The following COPA variants were observed in gnomAD, a reference collection of about 807,000 sequenced individuals.
The protein encoded by COPA is coat protein complex I subunit alpha.
A neutral mutation model predicts 158.7 loss-of-function variants in COPA; 10 were observed. That is an observed-to-expected ratio of 0.06 (90% CI 0.04 to 0.11). COPA has a LOEUF of 0.11. Among genes scored for constraint, COPA ranks in the 10% least tolerant of loss-of-function variants. The probability of loss-of-function intolerance (pLI) is 1.00; values close to 1 mark genes in which losing one functional copy is unlikely to be tolerated. For synonymous variants in COPA, 462 were observed against 542.8 expected (o/e 0.85, Z 2.07); for missense variants, 1,065 against 1,536.7 (o/e 0.69, Z 5.13).
chr1:160,290,470 A>G (rs765043720), intron 32 of COPA, 22 bp downstream of exon 32: 49 of 1,607,834 alleles, frequency 3.0e-5, no homozygotes, highest in Non-Finnish European at 3.6e-5. Context: ...TCCTAGATAT[A>G]TTTATTGAGG....
At chr1:160,330,274 A>G (rs1647443847) in intron 6 of COPA, among the ~76,000 whole-genome samples, 1 of 152,210 alleles carries the variant, frequency 6.6e-6, no homozygotes, top group Non-Finnish European at 1.5e-5. Context: ...CTGGGAGAGT[A>G]GATGCTAAGC....
chr1:160,336,499 T>C (rs1049719864), intron 3 of COPA, among the ~76,000 whole-genome samples: 4 of 152,104 alleles, frequency 2.6e-5, no homozygotes, highest in Admixed American at 1.3e-4. Context: ...ACATGGAAAA[T>C]ACTACATTGC....
intron 8 of COPA, among the ~76,000 whole-genome samples, chr1:160,320,761 A>C (rs1413213566): frequency 1.3e-5 from 2 of 148,916 alleles, no homozygotes; most frequent in East Asian, 3.9e-4. Context: ...CCAAACATTT[A>C]AAGAATTAAT....
chr1:160,300,172 T>G (rs1295157101), intron 17 of COPA, among the ~76,000 whole-genome samples: 1 of 151,794 alleles, frequency 6.6e-6, no homozygotes, highest in African/African-American at 2.4e-5. Flanking sequence ...AAACCCCGTC[T>G]CTACTAAAAA....
intron 3 of COPA, among the ~76,000 whole-genome samples, chr1:160,337,218 C>T (rs916059906): frequency 6.6e-6 from 1 of 152,160 alleles, no homozygotes; most frequent in Non-Finnish European, 1.5e-5. Context: ...AACTGTAAAT[C>T]CTTAAAAACT....
Position 160,313,985 on chromosome 1 carries a change from C to T in COPA, c.842+5G>A. ...AAGTTCACACAACACTGAGGACTAC[C>T]TTACCGCTTAGACATATCCCAGACT... On this transcript the variant is annotated splice_donor_5th_base_variant and intron_variant, in intron 9 of 32. Coordinates refer to ENST00000241704, the MANE Select transcript of COPA (RefSeq NM_004371.4). 6.2e-7 allele frequency: 1 copy of T among 1,608,036 alleles called. No individual in the cohort carries two copies. The highest frequency in any genetic ancestry group is 8.5e-7 in the Non-Finnish European group (1 of 1,177,366).
intron 13 of COPA, among the ~76,000 whole-genome samples, chr1:160,308,228 A>G (rs1364472244): frequency 6.6e-6 from 1 of 151,840 alleles, no homozygotes; most frequent in East Asian, 1.9e-4. Context: ...CATAAGATTT[A>G]GTCAGAAATG....
intron 8 of COPA, among the ~76,000 whole-genome samples, chr1:160,319,914 CAAA>C (rs80269064): frequency 1.8e-3 from 136 of 75,558 alleles, no homozygotes; most frequent in African/African-American, 3.5e-3. Flanking sequence ...ACACCTATGT[CAAA>C]AAAAAAAAAA....
intron 17 of COPA, among the ~76,000 whole-genome samples, chr1:160,304,600 G>A (rs545654813): frequency 1.1e-4 from 17 of 151,916 alleles, no homozygotes; most frequent in Non-Finnish European, 2.2e-4. Flanking sequence ...GGAGGCGGAG[G>A]TTGCAGTGAG....
At chr1:160,309,007 G>T in intron 13 of COPA, 94 bp downstream of exon 13, 1 of 989,298 alleles carries the variant, frequency 1.0e-6, no homozygotes, top group Non-Finnish European at 1.6e-6. Context: ...ATGTGGCCAT[G>T]GCTTGGGGAT....
At chr1:160,316,974 TAAAATACAC>T (rs1410949388) in intron 8 of COPA, among the ~76,000 whole-genome samples, 2 of 151,864 alleles carry the variant, frequency 1.3e-5, no homozygotes, top group East Asian at 3.9e-4. Context: ...GAAAGGATCC[TAAAATACAC>T]AACAGAAAAG....
chr1:160,297,210 A>G, intron 21 of COPA, 133 bp downstream of exon 21: 1 of 771,384 alleles, frequency 1.3e-6, no homozygotes, highest in South Asian at 1.7e-5. Flanking sequence ...TAAGCACAGT[A>G]GGAGCATGTT....
At chr1:160,312,695 T>G (rs1392627111) in intron 10 of COPA, among the ~76,000 whole-genome samples, 3 of 152,194 alleles carry the variant, frequency 2.0e-5, no homozygotes, top group East Asian at 3.8e-4. Flanking sequence ...CCTTACTCAC[T>G]GTGCTCCAAC....
rs1557860663 is a variant in COPA, at chr1:160,294,421, A to T, written c.2676+63T>A. The T allele has an allele frequency of 1.2e-5, 17 of 1,403,266 alleles. No homozygotes were observed. The East Asian group carries it at 3.6e-4, about 30-fold the overall frequency. The allele number at this position is 1,403,266 out of a possible 1,614,324, so 86.9% of individuals were successfully genotyped here. A position where few individuals can be genotyped will look rare whatever the true frequency, so the allele number is the denominator to read the frequency against. On this transcript the variant is annotated intron_variant, in intron 25 of 32. Transcript: ENST00000241704. Reference sequence around the variant, plus strand: ...CCTGAGGATAGTGGTAGGGGACAATAAGGCCTCTGGCTTCCACAGGGAGAT... The same window carrying T: ...CCTGAGGATAGTGGTAGGGGACAATTAGGCCTCTGGCTTCCACAGGGAGAT...
In COPA at chr1:160,293,246, C is replaced by CA. The variant is rs1293349905; in HGVS notation, c.2755-13dup. 3 of 1,613,744 alleles carry CA rather than the reference C, an allele frequency of 1.9e-6. No individual in the cohort carries two copies. Among genetic ancestry groups the CA allele is most frequent in the Non-Finnish European group, 2.5e-6 (3 of 1,179,922 alleles). The stretch of plus-strand genomic sequence containing the variant: ...TTATTACACCAGATCTAACAAGAAA[C>CA]AAAAAAACCCAAGCCAAGTGAAACT... On this transcript the variant is annotated splice_polypyrimidine_tract_variant and intron_variant, in intron 26 of 32. Coordinates refer to ENST00000241704, the MANE Select transcript of COPA (RefSeq NM_004371.4).
chr1:160,296,255 C>T, intron 21 of COPA, 106 bp from the exon 22 acceptor site: 1 of 860,800 alleles, frequency 1.2e-6, no homozygotes, highest in South Asian at 1.5e-5. Flanking sequence ...TCCTGGTATT[C>T]AAGTTGTTGC....
intron 5 of COPA, among the ~76,000 whole-genome samples, chr1:160,333,215 C>T (rs1332897310): frequency 2.6e-5 from 4 of 152,316 alleles, no homozygotes; most frequent in South Asian, 2.1e-4. Flanking sequence ...TGAGCCATGG[C>T]GCCGGGCCAA....
chr1:160,324,410 C>T (rs1659427910), intron 7 of COPA, among the ~76,000 whole-genome samples: 1 of 150,460 alleles, frequency 6.6e-6, no homozygotes, highest in African/African-American at 2.4e-5. Context: ...GATTCTCCTA[C>T]CTCGGCCTCC....
At chr1:160,291,599 T>C in intron 30 of COPA, 103 bp from the exon 31 acceptor site, 1 of 1,389,260 alleles carries the variant, frequency 7.2e-7, no homozygotes, top group Non-Finnish European at 9.9e-7. Flanking sequence ...CAAAATAGGA[T>C]GATGGGCTAT....
Sources: gnomAD v4.1 joint callset for allele counts (sites outside exome capture counted in the v4.1 genomes callset) on GRCh38, gnomAD v4.1.1 for gene constraint, MANE v1.5 for transcripts, NCBI Gene and HGNC (gene_info 2026-07-23, HGNC 2026-07-21) for gene names.